SEC61A1: variants seen among roughly 807,000 people sequenced by gnomAD.
SEC61A1 encodes the protein protein transport protein Sec61 subunit alpha isoform 1.
SEC61A1 carries 15 observed loss-of-function variants against 55.2 expected under a neutral mutation model. That is an observed-to-expected ratio of 0.27 (90% CI 0.18 to 0.42). The LOEUF (loss-of-function observed/expected upper bound fraction) is 0.42, where lower values mean the gene tolerates loss of function less well. SEC61A1 is among the 10% of genes least tolerant of loss of function. SEC61A1 has a pLI of 1.00. For missense variants in SEC61A1, 284 were observed against 602.6 expected (o/e 0.47, Z 5.53); for synonymous variants, 247 against 234.0 (o/e 1.06, Z -0.51).
chr3:128,061,423 T>C (rs1440586440), intron 7 of SEC61A1, among the ~76,000 whole-genome samples: 1 of 152,158 alleles, frequency 6.6e-6, no homozygotes, highest in African/African-American at 2.4e-5. Flanking sequence ...AAATAAACAT[T>C]TTTTGGCACT....
In SEC61A1 at chr3:128,060,229, A is replaced by T. The variant is rs754232826; in HGVS notation, c.462+18A>T. On this transcript the variant is annotated intron_variant, in intron 6 of 11. Transcript: ENST00000243253. ...CCATTCAGGTAATTATTATGCTAAC[A>T]TCTCCCTTTGAGTAGCCCCTCACAC... 1 of 1,551,134 alleles carries T rather than the reference A, an allele frequency of 6.4e-7. No individual in the cohort carries two copies. The highest frequency in any genetic ancestry group is 8.9e-7 in the Non-Finnish European group (1 of 1,122,516).
In SEC61A1 at chr3:128,067,192, G is replaced by C; in HGVS notation, c.975+41G>C. On this transcript the variant is annotated intron_variant, in intron 9 of 11. Transcript: ENST00000243253. The surrounding 1 kb of genome is among the most constrained non-coding windows in gnomAD (Gnocchi z 4.1). ...GAAGATGAGCTAGCAATGCAGCTAA[G>C]TTGCAGTGGTTTCTATCAGTGTCTT... 1 of 1,558,512 alleles carries C rather than the reference G, an allele frequency of 6.4e-7. No individual in the cohort carries two copies. The highest frequency in any genetic ancestry group is 8.9e-7 in the Non-Finnish European group (1 of 1,129,514).
Position 128,066,947 on chromosome 3 carries a change from T to C in SEC61A1, c.778-7T>C. ...TGAAGGGGATTTGGTTCTGTTTGGC[T>C]TCTCAGGGCTTCCGAGTGGACCTGC... On this transcript the variant is annotated splice_polypyrimidine_tract_variant and splice_region_variant and intron_variant, in intron 8 of 11. Transcript: ENST00000243253. 6.2e-7 allele frequency: 1 copy of C among 1,614,138 alleles called. No individual in the cohort carries two copies. The highest frequency in any genetic ancestry group is 8.5e-7 in the Non-Finnish European group (1 of 1,180,002).
intron 5 of SEC61A1, among the ~76,000 whole-genome samples, chr3:128,057,410 G>A (rs1941788350): frequency 6.6e-6 from 1 of 152,192 alleles, no homozygotes; most frequent in South Asian, 2.1e-4. Flanking sequence ...TAATGGAGGA[G>A]AAGGATCAGA....
intron 7 of SEC61A1, 86 bp downstream of exon 7, chr3:128,060,747 T>C: frequency 1.5e-6 from 2 of 1,344,360 alleles, no homozygotes; most frequent in South Asian, 1.4e-5. Flanking sequence ...ATCCCCCCAT[T>C]CCACAGAAAA....
chr3:128,062,562 A>G (rs1412774883), intron 7 of SEC61A1, among the ~76,000 whole-genome samples: 1 of 152,234 alleles, frequency 6.6e-6, no homozygotes, highest in Admixed American at 6.5e-5. Flanking sequence ...AGATGAGGAC[A>G]TGATGGCCAG....
upstream of SEC61A1, chr3:128,051,784 G>A (rs1941676515): frequency 3.3e-6 from 5 of 1,526,526 alleles, no homozygotes; most frequent in Non-Finnish European, 4.4e-6. Flanking sequence ...TACTTCCCGA[G>A]CTGCCCCGGC....
At chr3:128,053,686 A>G (rs1324808973) in intron 2 of SEC61A1, among the ~76,000 whole-genome samples, 1 of 152,218 alleles carries the variant, frequency 6.6e-6, no homozygotes, top group Non-Finnish European at 1.5e-5. Flanking sequence ...TGCTGCTTTT[A>G]ATGGACGAAT....
intron 5 of SEC61A1, 97 bp downstream of exon 5, chr3:128,056,937 A>ATTT: frequency 9.4e-6 from 8 of 850,786 alleles, no homozygotes; most frequent in Non-Finnish European, 1.2e-5. Context: ...TTTATTTTTT[A>ATTT]TTTTTTTTTT....
chr3:128,055,557 CTT>C lies in SEC61A1; in HGVS notation c.119_120del (p.Phe40TyrfsTer20). The C allele has an allele frequency of 6.2e-7, 1 of 1,613,776 alleles. No individual in the cohort carries two copies. The highest frequency in any genetic ancestry group is 8.5e-7 in the Non-Finnish European group (1 of 1,179,630). Reference sequence around the variant, plus strand: ...AAGTGCTGTGGACCGCTATCACCCTCTTTATCTTCTTAGTGTGCTGCCAGGTA... The same window carrying C: ...AAGTGCTGTGGACCGCTATCACCCTCTATCTTCTTAGTGTGCTGCCAGGTA... ...EKVLWTAITL[F>X]IFLVCCQIPL... On this transcript the variant is annotated frameshift_variant, in exon 3 of 12. Coordinates refer to ENST00000243253, the MANE Select transcript of SEC61A1 (RefSeq NM_013336.4). LOFTEE classifies it high-confidence loss of function.
upstream of SEC61A1, chr3:128,051,954 A>G: frequency 6.9e-7 from 1 of 1,443,816 alleles, no homozygotes; most frequent in Non-Finnish European, 9.4e-7. Flanking sequence ...GTAATGACGG[A>G]GACCTACTAG....
intron 11 of SEC61A1, 36 bp downstream of exon 11, chr3:128,068,095 G>A (rs1481544296): frequency 6.5e-7 from 1 of 1,547,154 alleles, no homozygotes; most frequent in Admixed American, 1.7e-5. Flanking sequence ...CCTCCCGTCT[G>A]TGGACATGTG....
chr3:128,061,436 A>G (rs1384347683), intron 7 of SEC61A1, among the ~76,000 whole-genome samples: 3 of 152,234 alleles, frequency 2.0e-5, no homozygotes, highest in Non-Finnish European at 2.9e-5. Flanking sequence ...TTGGCACTAA[A>G]TATCTTCTTC....
chr3:128,064,843 G>A (rs371253338), intron 7 of SEC61A1, 34 bp from the exon 8 acceptor site: 632 of 1,538,778 alleles, frequency 4.1e-4, no homozygotes, highest in African/African-American at 9.3e-4. Flanking sequence ...TTGCCTGTTC[G>A]TTCCTTCATA....
At chr3:128,052,245 G>A, upstream of SEC61A1, 1 of 315,284 alleles carries the variant, frequency 3.2e-6, no homozygotes, top group Non-Finnish European at 5.7e-6. Context: ...GGCGGGCCCC[G>A]CGCGCCAGGC....
At chr3:128,052,810 TC>T (rs753152642) in intron 1 of SEC61A1, 24 bp from the exon 2 acceptor site, 20 of 1,605,192 alleles carry the variant, frequency 1.2e-5, no homozygotes, top group Admixed American at 1.7e-5. Flanking sequence ...TCCCAACTCT[TC>T]CTGTTTTGTT....
At chr3:128,053,718 A>T (rs1295943401) in intron 2 of SEC61A1, among the ~76,000 whole-genome samples, 1 of 152,222 alleles carries the variant, frequency 6.6e-6, no homozygotes, top group African/African-American at 2.4e-5. Flanking sequence ...TACCCCCTCA[A>T]TTCCAGTGTA....
chr3:128,051,650 G>A, upstream of SEC61A1: 1 of 1,403,834 alleles, frequency 7.1e-7, no homozygotes, highest in Non-Finnish European at 9.3e-7. Flanking sequence ...CAATCACACC[G>A]CCATGCTTTG....
At chr3:128,061,501 T>C (rs1576421379) in intron 7 of SEC61A1, among the ~76,000 whole-genome samples, 2 of 152,324 alleles carry the variant, frequency 1.3e-5, no homozygotes, top group East Asian at 3.9e-4. Context: ...TTTCTTTTAA[T>C]TGAATGTTGG....
Sources: gnomAD v4.1 joint callset for allele counts (sites outside exome capture counted in the v4.1 genomes callset) on GRCh38, gnomAD v4.1.1 for gene constraint, Gnocchi (gnomAD v3.1) non-coding constraint, MANE v1.5 for transcripts, NCBI Gene and HGNC (gene_info 2026-07-23, HGNC 2026-07-21) for gene names.